ADGRL2: variants seen among roughly 807,000 people sequenced by gnomAD.
ADGRL2 encodes the protein adhesion G protein-coupled receptor L2, also known as calcium-independent alpha-latrotoxin receptor 2.
A neutral mutation model predicts 157.4 loss-of-function variants in ADGRL2; 44 were observed. The observed-to-expected ratio is 0.28, with a 90% CI of 0.22 to 0.36. ADGRL2 has a LOEUF of 0.36. Ranked by LOEUF, ADGRL2 falls within the 10% of genes least tolerant of loss-of-function variation. The probability of loss-of-function intolerance (pLI) is 1.00; values close to 1 mark genes in which losing one functional copy is unlikely to be tolerated. For synonymous variants in ADGRL2, 585 were observed against 624.7 expected (o/e 0.94, Z 0.95); for missense variants, 1,510 against 1,768.9 (o/e 0.85, Z 2.63).
At chr1:81,712,048 G>A (rs887835800) in intron 1 of ADGRL2, among the ~76,000 whole-genome samples, 1 of 152,038 alleles carries the variant, frequency 6.6e-6, no homozygotes, top group Non-Finnish European at 1.5e-5. Context: ...TTGGCTAATC[G>A]AATCCTGTGC....
intron 2 of ADGRL2, among the ~76,000 whole-genome samples, chr1:81,882,009 T>G (rs1013510351): frequency 4.6e-5 from 7 of 152,304 alleles, no homozygotes; most frequent in African/African-American, 1.4e-4. Flanking sequence ...AATGGGCCTC[T>G]CTTCTTTCCT....
chr1:81,433,509 A>G (rs915008605), intron 1 of ADGRL2, among the ~76,000 whole-genome samples: 2 of 152,174 alleles, frequency 1.3e-5, no homozygotes, highest in Admixed American at 6.5e-5. Flanking sequence ...AAGTTTAGTC[A>G]GGAGCACCCT....
chr1:81,457,665 A>G (rs2101780668), intron 2 of ADGRL2, among the ~76,000 whole-genome samples: 1 of 152,340 alleles, frequency 6.6e-6, no homozygotes, highest in African/African-American at 2.4e-5. Context: ...GGAATTGACA[A>G]GATTTCCAGC....
intron 1 of ADGRL2, among the ~76,000 whole-genome samples, chr1:81,708,498 C>CA (rs1243864949): frequency 6.6e-6 from 1 of 152,108 alleles, no homozygotes; most frequent in Non-Finnish European, 1.5e-5. Context: ...CACGCATCTG[C>CA]AGAAGTACTT....
chr1:81,667,571 C>T (rs141315583), intron 3 of ADGRL2, among the ~76,000 whole-genome samples: 2 of 152,084 alleles, frequency 1.3e-5, no homozygotes, highest in Non-Finnish European at 2.9e-5. Context: ...ATACTTTGTA[C>T]TTTTTATCTT....
intron 1 of ADGRL2, among the ~76,000 whole-genome samples, chr1:81,758,386 C>T (rs1311900303): frequency 6.6e-6 from 1 of 152,130 alleles, no homozygotes; most frequent in East Asian, 1.9e-4. Context: ...CACTCCCTGG[C>T]ATCTCCTGAG....
At chr1:81,683,451 A>G (rs557287074) in intron 3 of ADGRL2, among the ~76,000 whole-genome samples, 1 of 151,152 alleles carries the variant, frequency 6.6e-6, no homozygotes, top group Non-Finnish European at 1.5e-5. Flanking sequence ...CCTCCCTCCC[A>G]CTCTTCCCCC....
At chr1:81,628,782 AC>A (rs1268838398) in intron 3 of ADGRL2, among the ~76,000 whole-genome samples, 2 of 152,188 alleles carry the variant, frequency 1.3e-5, no homozygotes, top group Non-Finnish European at 2.9e-5. Flanking sequence ...ATATGTTATA[AC>A]CTCTTCTCAA....
intron 1 of ADGRL2, among the ~76,000 whole-genome samples, chr1:81,818,232 G>A (rs1183707114): frequency 6.6e-6 from 1 of 151,992 alleles, no homozygotes; most frequent in African/African-American, 2.4e-5. Context: ...CAAAAATCAG[G>A]TATTTCATAT....
chr1:81,334,935 G>C (rs1661526614), intron 1 of ADGRL2, among the ~76,000 whole-genome samples: 1 of 152,132 alleles, frequency 6.6e-6, no homozygotes, highest in Non-Finnish European at 1.5e-5. Flanking sequence ...GGTGTCTTTG[G>C]TGTTGATTAA....
intron 3 of ADGRL2, among the ~76,000 whole-genome samples, chr1:81,692,942 C>T (rs2148997403): frequency 6.6e-6 from 1 of 152,260 alleles, no homozygotes; most frequent in Middle Eastern, 3.4e-3. Context: ...ACCCACACTC[C>T]TCATTCATTA....
intron 3 of ADGRL2, among the ~76,000 whole-genome samples, chr1:81,593,640 C>T (rs1314129081): frequency 6.6e-6 from 1 of 152,224 alleles, no homozygotes; most frequent in Admixed American, 6.5e-5. Context: ...TATTCCTATG[C>T]TTTGAAATAT....
intron 1 of ADGRL2, among the ~76,000 whole-genome samples, chr1:81,384,346 T>G (rs1165236258): frequency 1.3e-5 from 2 of 152,116 alleles, no homozygotes; most frequent in South Asian, 2.1e-4. Flanking sequence ...AAAAAAGGTG[T>G]GCATTTGTGG....
At chr1:81,473,782 G>GTT (rs71675068) in intron 2 of ADGRL2, among the ~76,000 whole-genome samples, 1 of 148,540 alleles carries the variant, frequency 6.7e-6, no homozygotes. Context: ...GGGATGTGAG[G>GTT]TTTTTTTTTT....
intron 3 of ADGRL2, among the ~76,000 whole-genome samples, chr1:81,609,459 G>A (rs1047293241): frequency 6.6e-6 from 1 of 152,144 alleles, no homozygotes; most frequent in Non-Finnish European, 1.5e-5. Flanking sequence ...GCTTTGAGAT[G>A]GAAGAAAGTG....
intron 3 of ADGRL2, among the ~76,000 whole-genome samples, chr1:81,643,505 C>G (rs964682809): frequency 1.3e-5 from 2 of 152,034 alleles, no homozygotes; most frequent in Admixed American, 6.6e-5. Context: ...GATGGGGTCT[C>G]ACTATGTTGC....
At chr1:81,546,053 A>T (rs2080009643) in intron 2 of ADGRL2, among the ~76,000 whole-genome samples, 2 of 149,914 alleles carry the variant, frequency 1.3e-5, no homozygotes, top group African/African-American at 2.5e-5. Flanking sequence ...TCTTAAAAAT[A>T]TTTTTTTTTT....
chr1:81,551,878 G>A (rs911267776), intron 2 of ADGRL2, among the ~76,000 whole-genome samples: 1 of 152,168 alleles, frequency 6.6e-6, no homozygotes, highest in African/African-American at 2.4e-5. Flanking sequence ...ATGGAAAATA[G>A]ATCCCATGAA....
intron 2 of ADGRL2, among the ~76,000 whole-genome samples, chr1:81,549,437 G>T (rs1167094058): frequency 2.0e-5 from 3 of 152,156 alleles, no homozygotes; most frequent in Admixed American, 6.5e-5. Flanking sequence ...TTTCTCACCT[G>T]CAGATGTCTT....
Sources: gnomAD v4.1 joint callset for allele counts (sites outside exome capture counted in the v4.1 genomes callset) on GRCh38, gnomAD v4.1.1 for gene constraint, MANE v1.5 for transcripts, NCBI Gene and HGNC (gene_info 2026-07-23, HGNC 2026-07-21) for gene names.